Variants in FNBP1 observed in about 807,000 individuals in gnomAD.
The protein encoded by FNBP1 is formin-binding protein 1.
A neutral mutation model predicts 90.6 loss-of-function variants in FNBP1; 26 were observed. The observed-to-expected ratio is 0.29, with a 90% confidence interval of 0.21 to 0.40. FNBP1 has a LOEUF of 0.40. FNBP1 is among the 10% of genes least tolerant of loss of function. FNBP1 has a pLI of 1.00. For missense variants in FNBP1, 635 were observed against 768.0 expected (o/e 0.83, Z 2.05); for synonymous variants, 260 against 265.2 (o/e 0.98, Z 0.19).
rs1464146334 is a variant in FNBP1 at position 129,902,946 on chromosome 9, G to C, written c.1351C>G (p.Pro451Ala). The change falls in exon 13 of 17, where the codon CCA (proline) becomes GCA (alanine). Residue 451 changes from proline to alanine, a missense_variant. Transcript: ENST00000446176. ...VYLKNPQMGD[P>A]ASLDHKLAEV... is the part of the protein sequence containing the mutation. ...GCTAATTTGTGATCCAAACTGGCTG[G>C]GTCTCCCATCTGAGGATTCTTTAGG... 3 of 1,609,512 alleles carry C rather than the reference G, an allele frequency of 1.9e-6. No individual in the cohort carries two copies. In the South Asian group the frequency reaches 3.3e-5, roughly 18 times the overall value.
chr9:129,900,145 C>G lies in FNBP1; in HGVS notation c.1551-44G>C. ...CACAAAGCAACTAAAGCGACTGACC[C>G]CAGGGAGGACTCAGATTGAGTCCCT... On this transcript the variant is annotated intron_variant, in intron 14 of 16. Coordinates refer to ENST00000446176, the MANE Select transcript of FNBP1 (RefSeq NM_015033.3). The surrounding 1 kb of genome is among the most constrained non-coding windows in gnomAD (Gnocchi z 4.1). The G allele has an allele frequency of 6.5e-7, 1 of 1,537,734 alleles. No homozygotes were observed. Among genetic ancestry groups the G allele is most frequent in the East Asian group, 2.4e-5 (1 of 42,002 alleles).
intron 10 of FNBP1, among the ~76,000 whole-genome samples, chr9:129,922,051 G>T (rs531116701): frequency 6.7e-6 from 1 of 150,124 alleles, no homozygotes; most frequent in African/African-American, 2.4e-5. Context: ...ACTCCCACAG[G>T]GTAGGATTTA....
At chr9:129,918,389 G>C (rs140189051) in intron 10 of FNBP1, among the ~76,000 whole-genome samples, 2 of 152,288 alleles carry the variant, frequency 1.3e-5, no homozygotes, top group African/African-American at 4.8e-5. Context: ...TAATTTTGAA[G>C]ATTTCATTAA....
At chr9:129,918,565 A>G (rs2040604052) in intron 10 of FNBP1, among the ~76,000 whole-genome samples, 1 of 152,234 alleles carries the variant, frequency 6.6e-6, no homozygotes, top group African/African-American at 2.4e-5. Context: ...GAAAGGGGAC[A>G]GTGAAAATAA....
At chr9:129,931,071 G>A (rs75905501) in intron 6 of FNBP1, among the ~76,000 whole-genome samples, 1,946 of 152,142 alleles carry the variant, frequency 0.013, 18 homozygotes, top group Middle Eastern at 0.024. Context: ...TGGAAGGCTC[G>A]GGTGGGCAGA....
rs537656772 is a variant in FNBP1 at position 129,893,846 on chromosome 9, G to GCAGA, written c.1846+1988_1846+1991dup. On this transcript the variant is annotated intron_variant, in intron 16 of 16. Coordinates refer to ENST00000446176, the MANE Select transcript of FNBP1 (RefSeq NM_015033.3). ...CAGGAGAATCGCTTGAACTCAGGAG[G>GCAGA]CAGAGGTTGCAGTGAGCCAAGATTG... 2.7e-3 allele frequency among the ~76,000 whole-genome samples: 399 copies of GCAGA among 148,192 alleles called. 1 individual carries two copies. Among genetic ancestry groups the GCAGA allele is most frequent in the African/African-American group, 9.7e-3 (388 of 39,884 alleles).
intron 10 of FNBP1, 78 bp downstream of exon 10, chr9:129,923,766 A>T: frequency 7.1e-7 from 1 of 1,413,886 alleles, no homozygotes; most frequent in South Asian, 1.5e-5. Context: ...GGATTCATTC[A>T]CAAACAAAAT....
Position 129,917,838 on chromosome 9 carries a change from C to G in FNBP1, c.1171-1858G>C, listed in dbSNP as rs186498718. On this transcript the variant is annotated intron_variant, in intron 10 of 16. Transcript: ENST00000446176. ...CATGGGCAGTCTACAGTGATTCCAG[C>G]CCGCCTGTGAACTTGAGCATAGATC... Among the ~76,000 whole-genome samples, 353 of 152,260 alleles carry G rather than the reference C, an allele frequency of 2.3e-3. 1 individual carries two copies. The highest frequency in any genetic ancestry group is 2.9e-3 in the Non-Finnish European group (194 of 68,028).
At chr9:130,048,805 G>A in the FNBP1 span, among the ~76,000 whole-genome samples, 3 of 119,514 alleles carry the variant, frequency 2.5e-5, no homozygotes, top group Non-Finnish European at 5.1e-5. Context: ...TTTGAGATAA[G>A]AGTCTGGCTC....
At chr9:129,919,218 C>T (rs757401120) in intron 10 of FNBP1, 2 of 1,301,798 alleles carry the variant, frequency 1.5e-6, no homozygotes, top group South Asian at 2.5e-5. Context: ...TTCATGAGTT[C>T]TTTGTGAAAA....
Position 129,905,294 on chromosome 9 carries a change from G to GTATATATATATATATA in FNBP1, c.1296-2309_1296-2294dup, listed in dbSNP as rs56217495. On this transcript the variant is annotated intron_variant, in intron 12 of 16. Transcript: ENST00000446176. ...TTGAATTGTGTGTGTGTGTGTGTGT[G>GTATATATATATATATA]TATATATATATATATATATTTTGTT... Among the ~76,000 whole-genome samples the GTATATATATATATATA allele has an allele frequency of 5.7e-3, 752 of 132,278 alleles. 8 individuals carry two copies. Among genetic ancestry groups the GTATATATATATATATA allele is most frequent in the East Asian group, 0.03 (134 of 4,406 alleles). The allele number at this position is 132,278 out of a possible 152,430, so 86.8% of individuals were successfully genotyped here. A position where few individuals can be genotyped will look rare whatever the true frequency, so the allele number is the denominator to read the frequency against.
At chr9:130,034,310 C>A (rs533689758) in intron 1 of FNBP1, among the ~76,000 whole-genome samples, 20 of 51,564 alleles carry the variant, frequency 3.9e-4, no homozygotes, top group African/African-American at 9.2e-4. Context: ...AAGACTCCAT[C>A]TCAAAAAAAA....
chr9:129,964,596 TA>T (rs530737177), intron 4 of FNBP1, among the ~76,000 whole-genome samples: 2,529 of 138,322 alleles, frequency 0.018, 22 homozygotes, highest in Non-Finnish European at 0.025. Context: ...TGGCTGAGAT[TA>T]AAAAAAAAAA....
chr9:130,017,666 C>T (rs1371325790), intron 1 of FNBP1, among the ~76,000 whole-genome samples: 1 of 151,802 alleles, frequency 6.6e-6, no homozygotes, highest in Non-Finnish European at 1.5e-5. Flanking sequence ...CCAGTCTCTA[C>T]TAAAAATACA....
At chr9:129,950,822 C>G (rs1259529391) in intron 6 of FNBP1, among the ~76,000 whole-genome samples, 2 of 152,126 alleles carry the variant, frequency 1.3e-5, no homozygotes, top group South Asian at 4.1e-4. Flanking sequence ...GAGACAGGGT[C>G]TTGCTCTGTC....
rs529209668 is a variant in FNBP1, at chr9:129,930,145, C to T, written c.514-450G>A. On this transcript the variant is annotated intron_variant, in intron 6 of 16. Coordinates refer to ENST00000446176, the MANE Select transcript of FNBP1 (RefSeq NM_015033.3). The stretch of plus-strand genomic sequence containing the variant: ...GCACGATCCTGGCTCACTGCAGCCT[C>T]AACCTCCTGGGTTCAAGCAATCCTC... Among the ~76,000 whole-genome samples the T allele has an allele frequency of 3.3e-5, 5 of 152,012 alleles. No homozygotes were observed. The East Asian group carries it at 9.7e-4, about 29-fold the overall frequency.
intron 6 of FNBP1, among the ~76,000 whole-genome samples, chr9:129,946,330 C>T (rs111347803): frequency 9.5e-4 from 144 of 152,262 alleles, no homozygotes; most frequent in African/African-American, 2.8e-3. Flanking sequence ...CCAAATACTT[C>T]GAGAAGTCTG....
At chr9:129,917,210 C>T (rs776126154) in intron 10 of FNBP1, among the ~76,000 whole-genome samples, 2 of 151,610 alleles carry the variant, frequency 1.3e-5, no homozygotes, top group Non-Finnish European at 2.9e-5. Flanking sequence ...GACGGGGTTT[C>T]GCCTTGTTGG....
At chr9:129,979,639 A>G (rs912540264) in intron 2 of FNBP1, among the ~76,000 whole-genome samples, 1 of 152,126 alleles carries the variant, frequency 6.6e-6, no homozygotes, top group Non-Finnish European at 1.5e-5. Flanking sequence ...GTAAATATGC[A>G]GTGGCTTTCT....
Sources: allele counts gnomAD v4.1 joint callset (sites outside exome capture counted in the v4.1 genomes callset), GRCh38; gene constraint gnomAD v4.1.1; non-coding constraint Gnocchi (gnomAD v3.1); transcripts MANE v1.5; gene names NCBI Gene and HGNC (gene_info 2026-07-23, HGNC 2026-07-21).